PXDN: variants seen among roughly 807,000 people sequenced by gnomAD.
PXDN encodes peroxidasin homolog.
PXDN carries 77 observed loss-of-function variants against 140.3 expected under a neutral mutation model. The ratio of observed to expected loss-of-function variants is 0.55; its 90% CI spans 0.46 to 0.66. The LOEUF is 0.66. Among genes scored for constraint, PXDN ranks in the 30% least tolerant of loss-of-function variants. The pLI is 0.00. For missense variants in PXDN, 1,838 were observed against 2,039.5 expected, an observed-to-expected ratio of 0.90 and a Z score of 1.90; for synonymous variants, 911 against 857.4, an observed-to-expected ratio of 1.06 and a Z score of -1.09.
At chr2:1,643,137 T>G (rs1682766293) in intron 19 of PXDN, among the ~76,000 whole-genome samples, 1 of 152,248 alleles carries the variant, frequency 6.6e-6, no homozygotes, top group African/African-American at 2.4e-5. Context: ...TTTTAGTTAT[T>G]CTGAATGTTC....
At chr2:1,679,753 C>G (rs111163238) in intron 7 of PXDN, among the ~76,000 whole-genome samples, 1 of 125,720 alleles carries the variant, frequency 8.0e-6, no homozygotes, top group East Asian at 2.5e-4. Context: ...CGTGTATGTG[C>G]GTGTGTGTGG....
intron 17 of PXDN, among the ~76,000 whole-genome samples, chr2:1,647,290 A>G (rs1010962179): frequency 6.6e-6 from 1 of 152,216 alleles, no homozygotes; most frequent in East Asian, 1.9e-4. Context: ...AATATCTAGC[A>G]AAAAGGAGAG....
chr2:1,671,826 G>C (rs888399644), intron 9 of PXDN, among the ~76,000 whole-genome samples: 5 of 152,130 alleles, frequency 3.3e-5, no homozygotes, highest in African/African-American at 1.2e-4. Context: ...AGGCCACACA[G>C]GTTTTGTTGC....
intron 1 of PXDN, among the ~76,000 whole-genome samples, chr2:1,738,864 C>CTT (rs1685476672): frequency 6.6e-6 from 1 of 152,232 alleles, no homozygotes; most frequent in African/African-American, 2.4e-5. Flanking sequence ...CCAACTCTTA[C>CTT]CCAGCTTTGA....
At position 1,644,683 on chromosome 2, in the gene PXDN, G is replaced by A; in HGVS notation, c.3678C>T (p.Ser1226=). Reference sequence around the variant, plus strand: ...GACACATCAGGGTGGGGCCCAGCCGGCTGCCAGGCACCAGGTCCTCCACCA... The same window carrying A: ...GACACATCAGGGTGGGGCCCAGCCGACTGCCAGGCACCAGGTCCTCCACCA... ...ALVVEDLVPG[S]RLGPTLMCLL... is the part of the protein sequence containing the mutation. The change falls in exon 18 of 23, where the codon AGC becomes AGT. Residue 1226 remains serine, a synonymous_variant. Transcript: ENST00000252804. 2 of 1,605,060 alleles carry A rather than the reference G, an allele frequency of 1.2e-6. No homozygotes were observed. Among genetic ancestry groups the A allele is most frequent in the East Asian group, 2.2e-5 (1 of 44,586 alleles).
At chr2:1,664,917 G>A in intron 11 of PXDN, 41 bp downstream of exon 11, 2 of 1,476,728 alleles carry the variant, frequency 1.4e-6, no homozygotes, top group Non-Finnish European at 1.9e-6. Context: ...CTGCGTCTGT[G>A]GCCGCGGAGG....
chr2:1,699,084 A>G (rs1204478012), intron 1 of PXDN, among the ~76,000 whole-genome samples: 2 of 152,200 alleles, frequency 1.3e-5, no homozygotes, highest in Admixed American at 6.5e-5. Flanking sequence ...ACAGGTTTAC[A>G]CTCAATATCA....
At chr2:1,674,262 C>T (rs9309691) in intron 8 of PXDN, among the ~76,000 whole-genome samples, 38,606 of 152,206 alleles carry the variant, frequency 0.25, 5,188 homozygotes, top group Admixed American at 0.37. Context: ...CAGGCTGGAG[C>T]GCAGCGGTAT....
chr2:1,699,621 A>C (rs897741924), intron 1 of PXDN, among the ~76,000 whole-genome samples: 5 of 152,190 alleles, frequency 3.3e-5, no homozygotes, highest in African/African-American at 1.2e-4. Flanking sequence ...GAGGCAGGAG[A>C]ATCCCTTGAA....
At chr2:1,744,571 C>T, upstream of PXDN, 1 of 887,706 alleles carries the variant, frequency 1.1e-6, no homozygotes, top group Non-Finnish European at 1.5e-6. Context: ...GGGGCGCCAG[C>T]TGTGCACATG....
chr2:1,680,106 GT>G (rs1683854022), intron 7 of PXDN, 86 bp downstream of exon 7: 2 of 1,387,356 alleles, frequency 1.4e-6, no homozygotes, highest in South Asian at 1.4e-5. Context: ...GTGTGTGGAT[GT>G]TGTGTGTGTA....
intron 1 of PXDN, among the ~76,000 whole-genome samples, chr2:1,697,619 GGA>G (rs956049470): frequency 5.3e-5 from 8 of 152,050 alleles, no homozygotes; most frequent in Admixed American, 2.6e-4. Context: ...TAACGGGGGG[GGA>G]AAAACTTCCC....
Position 1,632,595 on chromosome 2 carries a change from G to GC in PXDN, c.*1608dup, listed in dbSNP as rs1682438464. 1 of 152,140 alleles carries GC rather than the reference G, an allele frequency of 6.6e-6. No homozygotes were observed. The highest frequency in any genetic ancestry group is 1.5e-5 in the Non-Finnish European group (1 of 68,026). The allele number at this position is 152,140 out of a possible 1,614,324, so 9.4% of individuals were successfully genotyped here. On this transcript the variant is annotated 3_prime_UTR_variant, in exon 23 of 23. Transcript: ENST00000252804. The surrounding 1 kb of genome is among the most constrained non-coding windows in gnomAD (Gnocchi z 4.3). ...TCCTCACAGCTGAAATGCTGCCTCC[G>GC]CCGCAGCAACTTGGCCGGCCCGTGC... is the stretch of plus-strand genomic sequence containing the variant.
chr2:1,696,552 G>A lies in PXDN; in HGVS notation c.201-3418C>T, dbSNP rs867675795. 7.2e-5 allele frequency among the ~76,000 whole-genome samples: 11 copies of A among 152,194 alleles called. No homozygotes were observed. In the South Asian group the frequency reaches 8.3e-4, roughly 11 times the overall value. On this transcript the variant is annotated intron_variant, in intron 1 of 22. Transcript: ENST00000252804. ...AACATATTGAATACTGCAGAGGGGAGAGGACTTGGGAGCTACTCAACATTA... is the reference window on the plus strand; with the variant it reads ...AACATATTGAATACTGCAGAGGGGAAAGGACTTGGGAGCTACTCAACATTA...
intron 1 of PXDN, among the ~76,000 whole-genome samples, chr2:1,742,294 T>A (rs1344525489): frequency 1.3e-5 from 2 of 152,240 alleles, no homozygotes; most frequent in Non-Finnish European, 2.9e-5. Context: ...CCAGTCTACC[T>A]GCCTCACAGA....
chr2:1,670,016 C>T (rs899715831), intron 9 of PXDN, among the ~76,000 whole-genome samples: 2 of 152,060 alleles, frequency 1.3e-5, no homozygotes, highest in African/African-American at 4.8e-5. Context: ...AGTCTTTATG[C>T]TACTTTCTGT....
At chr2:1,666,808 A>C (rs555760393) in intron 9 of PXDN, among the ~76,000 whole-genome samples, 2 of 152,224 alleles carry the variant, frequency 1.3e-5, no homozygotes, top group Non-Finnish European at 2.9e-5. Context: ...ACATTATGTC[A>C]ATCTTGTTAG....
intron 2 of PXDN, among the ~76,000 whole-genome samples, chr2:1,692,201 A>G (rs1034663121): frequency 2.0e-5 from 3 of 152,260 alleles, no homozygotes; most frequent in Admixed American, 6.5e-5. Context: ...TTGCTGAGCA[A>G]TGGTGTCCGT....
At chr2:1,702,497 TCAGA>T (rs1297592028) in intron 1 of PXDN, among the ~76,000 whole-genome samples, 1 of 152,184 alleles carries the variant, frequency 6.6e-6, no homozygotes, top group Non-Finnish European at 1.5e-5. Flanking sequence ...CCCAAATATC[TCAGA>T]CAGGTCTCGG....
Sources: gnomAD v4.1 joint callset for allele counts (sites outside exome capture counted in the v4.1 genomes callset) on GRCh38, gnomAD v4.1.1 for gene constraint, Gnocchi (gnomAD v3.1) non-coding constraint, MANE v1.5 for transcripts, NCBI Gene and HGNC (gene_info 2026-07-23, HGNC 2026-07-21) for gene names.